Variants in ATG2B observed in about 807,000 individuals in gnomAD.
ATG2B encodes autophagy-related protein 2 homolog B.
In ATG2B, 121 loss-of-function variants were observed where a neutral mutation model predicts 241.3. The observed-to-expected ratio is 0.50, with a 90% CI of 0.43 to 0.58. The LOEUF (loss-of-function observed/expected upper bound fraction) is 0.58. ATG2B is among the 20% of genes least tolerant of loss of function. ATG2B has a pLI of 0.00. For synonymous variants in ATG2B, 858 were observed against 876.6 expected (o/e 0.98, Z 0.37); for missense variants, 2,306 against 2,491.6 (o/e 0.93, Z 1.59).
At chr14:96,316,833 T>C (rs1887326300) in intron 20 of ATG2B, 150 bp from the exon 21 acceptor site, 20 of 669,228 alleles carry the variant, frequency 3.0e-5, no homozygotes. Flanking sequence ...AATATCATGG[T>C]ATAAAATAAA....
intron 34 of ATG2B, among the ~76,000 whole-genome samples, 167 bp from the exon 35 acceptor site, chr14:96,295,727 C>CCACACACACACACACA (rs59902412): frequency 0.18 from 26,596 of 145,602 alleles, 2,684 homozygotes; most frequent in Middle Eastern, 0.27. Flanking sequence ...CTTCCCCCCA[C>CCACACACACACACACA]CACACACACA....
At chr14:96,288,012 CTT>C (rs3837603) in intron 41 of ATG2B, among the ~76,000 whole-genome samples, 39 of 150,158 alleles carry the variant, frequency 2.6e-4, no homozygotes, top group Admixed American at 5.3e-4. Flanking sequence ...CACTTAGGAA[CTT>C]TTTTTTTTTT....
At chr14:96,315,356 C>A in intron 22 of ATG2B, 28 bp downstream of exon 22, 2 of 1,602,524 alleles carry the variant, frequency 1.2e-6, no homozygotes, top group Non-Finnish European at 1.7e-6. Context: ...ATCAAATCAA[C>A]AGTGGCATAA....
chr14:96,319,072 C>T (rs1346174461), intron 18 of ATG2B, among the ~76,000 whole-genome samples: 3 of 152,172 alleles, frequency 2.0e-5, no homozygotes, highest in Non-Finnish European at 4.4e-5. Context: ...GTGTGAATAC[C>T]GGTCAAGGCG....
intron 1 of ATG2B, among the ~76,000 whole-genome samples, chr14:96,354,097 T>C (rs1485077893): frequency 3.3e-5 from 5 of 152,218 alleles, no homozygotes; most frequent in Admixed American, 6.5e-5. Flanking sequence ...TCAGAGATAA[T>C]TGAGCAAACA....
rs964626504 is a variant in ATG2B at position 96,363,227 on chromosome 14, C to G, written c.-251G>C. On this transcript the variant is annotated 5_prime_UTR_variant, in exon 1 of 42. Coordinates refer to ENST00000359933, the MANE Select transcript of ATG2B (RefSeq NM_018036.7). ...GGGGACTTCCGAGGAGGGTCCCAACCGGCTCGGAGAGAGTGCAAGAGAGCG... is the reference window on the plus strand; with the variant it reads ...GGGGACTTCCGAGGAGGGTCCCAACGGGCTCGGAGAGAGTGCAAGAGAGCG... 4 of 469,874 alleles carry G rather than the reference C, an allele frequency of 8.5e-6. No individual in the cohort carries two copies. The highest frequency in any genetic ancestry group is 1.5e-5 in the Non-Finnish European group (4 of 261,978). 29.1% of individuals were successfully genotyped at this position (469,874 alleles called of 1,614,324 possible). A position where few individuals can be genotyped will look rare whatever the true frequency, so the allele number is the denominator to read the frequency against.
chr14:96,313,028 A>G (rs747524947), intron 25 of ATG2B, 37 bp downstream of exon 25: 1 of 1,300,498 alleles, frequency 7.7e-7, no homozygotes, highest in Admixed American at 1.9e-5. Flanking sequence ...TGTTTCGAAC[A>G]GCTTTGTTTA....
At position 96,290,491 on chromosome 14, in the gene ATG2B, G is replaced by A. The variant is rs188383620; in HGVS notation, c.5801C>T (p.Thr1934Ile). ...GFQRGAASFG[T>I]STAMAALELT... Reference sequence around the variant, plus strand: ...TTCTAGAGCAGCCATCGCTGTCGAGGTACCAAAGGAAGCAGCGCCTCTCTG... The same window carrying A: ...TTCTAGAGCAGCCATCGCTGTCGAGATACCAAAGGAAGCAGCGCCTCTCTG... The change falls in exon 40 of 42, where the codon ACC becomes ATC. Residue 1934 changes from threonine (T) to isoleucine (I), a missense_variant. Around this residue, in one of 2 missense-constraint regions of ATG2B, gnomAD observed 379 missense variants for 480.4 expected, o/e 0.79. Coordinates refer to ENST00000359933, the MANE Select transcript of ATG2B (RefSeq NM_018036.7). The surrounding 1 kb of genome is among the most constrained non-coding windows in gnomAD (Gnocchi z 4.4). 4.3e-6 allele frequency: 7 copies of A among 1,614,200 alleles called. No homozygotes were observed. The Admixed American group carries it at 1.0e-4, about 23-fold the overall frequency.
At chr14:96,294,905 A>G in intron 36 of ATG2B, 55 bp downstream of exon 36, 3 of 1,523,980 alleles carry the variant, frequency 2.0e-6, no homozygotes. Context: ...ACATCACAGA[A>G]CAATCTTCAA....
At position 96,329,493 on chromosome 14, in the gene ATG2B, G is replaced by T. The variant is rs1001512254; in HGVS notation, c.1872C>A (p.His624Gln). 3 of 1,609,310 alleles carry T rather than the reference G, an allele frequency of 1.9e-6. No homozygotes were observed. The African/African-American group carries it at 4.0e-5, about 21-fold the overall frequency. The change falls in exon 12 of 42, where the codon CAC becomes CAA. Residue 624 changes from histidine (H) to glutamine (Q), a missense_variant. By Grantham distance (24) the His-to-Gln change is conservative. Coordinates refer to ENST00000359933, the MANE Select transcript of ATG2B (RefSeq NM_018036.7). The stretch of plus-strand genomic sequence containing the variant: ...AGTATTCAATATTTACCTCTGTATA[G>T]TGAGGAGGAACAGAATGAAAATCAG... ...FPTDFHSVPP[H>Q]YTELLTFHSK...
Position 96,295,467 on chromosome 14 carries a change from A to C in ATG2B, c.5218+15T>G. ...AGTACTTGGTATAGTCTTTTCAACT[A>C]TACATATTTAATACCTTCTGGATCT... On this transcript the variant is annotated intron_variant, in intron 35 of 41. Transcript: ENST00000359933. 1 of 1,544,794 alleles carries C rather than the reference A, an allele frequency of 6.5e-7. No homozygotes were observed. The highest frequency in any genetic ancestry group is 8.8e-7 in the Non-Finnish European group (1 of 1,137,898).
chr14:96,301,677 C>A (rs1485171465), intron 34 of ATG2B, among the ~76,000 whole-genome samples: 1 of 152,154 alleles, frequency 6.6e-6, no homozygotes, highest in Non-Finnish European at 1.5e-5. Flanking sequence ...GAGCAGCATT[C>A]AATTCATCAG....
rs1315229725 is a variant in ATG2B, at chr14:96,363,033, G to A, written c.-57C>T. 7 of 1,602,060 alleles carry A rather than the reference G, an allele frequency of 4.4e-6. No homozygotes were observed. In the Admixed American group the frequency reaches 8.5e-5, roughly 20 times the overall value. ...TGCGGGTTGCGACGGCTCCGGCCTCGGGGTAGCGACTCCGGCTCCAGGCCG... is the reference window on the plus strand; with the variant it reads ...TGCGGGTTGCGACGGCTCCGGCCTCAGGGTAGCGACTCCGGCTCCAGGCCG... On this transcript the variant is annotated 5_prime_UTR_variant, in exon 1 of 42. Transcript: ENST00000359933.
chr14:96,308,243 T>TACATAA (rs1555365522), intron 29 of ATG2B, among the ~76,000 whole-genome samples: 1 of 21,238 alleles, frequency 4.7e-5, no homozygotes, highest in Non-Finnish European at 9.1e-5. Flanking sequence ...TATATATATA[T>TACATAA]ATATATATAC....
intron 31 of ATG2B, among the ~76,000 whole-genome samples, 195 bp from the exon 32 acceptor site, chr14:96,304,798 T>C (rs1250451067): frequency 2.0e-5 from 3 of 152,144 alleles, no homozygotes; most frequent in Non-Finnish European, 4.4e-5. Flanking sequence ...CGTTTCATTA[T>C]TGCCATTAGA....
chr14:96,287,253 C>CA (rs34710412), intron 41 of ATG2B, among the ~76,000 whole-genome samples: 5,356 of 78,178 alleles, frequency 0.069, 410 homozygotes, highest in South Asian at 0.14. Context: ...GACTCCGTCT[C>CA]AAAAAAAAAA....
chr14:96,331,620 C>T lies in ATG2B; in HGVS notation c.1486G>A (p.Val496Ile). 6.2e-7 allele frequency: 1 copy of T among 1,611,768 alleles called. No individual in the cohort carries two copies. Among genetic ancestry groups the T allele is most frequent in the Non-Finnish European group, 8.5e-7 (1 of 1,179,138 alleles). ...LQKTSLPSRS[V>I]SVDESRPELI... ...TCAGGCCTTGATTCATCCACTGAAA[C>T]AGATCTAGATGGGAGAGCTAAAATA... Residue 496 changes from valine (V) to isoleucine (I), a missense_variant, in exon 11 of 42, where the codon GTT (valine) becomes ATT (isoleucine). Transcript: ENST00000359933.
At chr14:96,300,693 A>G (rs578000770) in intron 34 of ATG2B, among the ~76,000 whole-genome samples, 1 of 152,346 alleles carries the variant, frequency 6.6e-6, no homozygotes, top group African/African-American at 2.4e-5. Flanking sequence ...ATTTAGTTAA[A>G]GTATGGATAT....
chr14:96,283,211 G>A lies in ATG2B; in HGVS notation c.*2544C>T, dbSNP rs954894123. The A allele has an allele frequency of 6.6e-6, 1 of 152,278 alleles. No homozygotes were observed. Among genetic ancestry groups the A allele is most frequent in the African/African-American group, 2.4e-5 (1 of 41,430 alleles). 9.4% of individuals were successfully genotyped at this position (152,278 alleles called of 1,614,324 possible). A position where few individuals can be genotyped will look rare whatever the true frequency, so the allele number is the denominator to read the frequency against. On this transcript the variant is annotated 3_prime_UTR_variant, in exon 42 of 42. Transcript: ENST00000359933. ...TGCAACTTGCTGACAGATCTCGATG[G>A]AGCTGCTTATGGGACTCCATGGGGG... is the stretch of plus-strand genomic sequence containing the variant.
Sources: allele counts gnomAD v4.1 joint callset (sites outside exome capture counted in the v4.1 genomes callset), GRCh38; gene constraint gnomAD v4.1.1; regional missense constraint gnomAD v4.1.1; non-coding constraint Gnocchi (gnomAD v3.1); transcripts MANE v1.5; gene names NCBI Gene and HGNC (gene_info 2026-07-23, HGNC 2026-07-21).